The following SLC4A10 variants were observed in gnomAD, a reference collection of about 807,000 sequenced individuals.
The protein encoded by SLC4A10 is sodium-driven chloride bicarbonate exchanger.
In SLC4A10, 42 loss-of-function variants were observed where a neutral mutation model predicts 137.7. The observed-to-expected ratio is 0.30, with a 90% CI of 0.24 to 0.39. The LOEUF is 0.39. SLC4A10 is among the 10% of genes least tolerant of loss of function. SLC4A10 has a pLI of 1.00. For synonymous variants in SLC4A10, 474 were observed against 464.1 expected (o/e 1.02, Z -0.27); for missense variants, 925 against 1,355.0 (o/e 0.68, Z 4.98).
intron 2 of SLC4A10, among the ~76,000 whole-genome samples, chr2:161,785,009 AAG>A (rs1435330772): frequency 1.3e-5 from 2 of 151,592 alleles, no homozygotes; most frequent in Non-Finnish European, 1.5e-5. Context: ...ACTTAGAAAA[AAG>A]AGAGGATTCA....
intron 2 of SLC4A10, among the ~76,000 whole-genome samples, chr2:161,781,304 T>C (rs1267204482): frequency 6.6e-6 from 1 of 152,060 alleles, no homozygotes; most frequent in Non-Finnish European, 1.5e-5. Context: ...AGTGGTGTGC[T>C]TTACTTGGTG....
intron 1 of SLC4A10, among the ~76,000 whole-genome samples, chr2:161,642,413 T>C (rs956028709): frequency 9.2e-5 from 14 of 151,934 alleles, no homozygotes; most frequent in African/African-American, 3.4e-4. Context: ...TCTCAGATGG[T>C]TCCATAAAAA....
At chr2:161,709,691 T>G (rs1285438994) in intron 1 of SLC4A10, 7 of 151,616 alleles carry the variant, frequency 4.6e-5, no homozygotes, top group Non-Finnish European at 1.0e-4. Context: ...GTACTGAAAC[T>G]CTGCCATTTA....
chr2:161,694,777 G>A (rs2042326996), intron 1 of SLC4A10, among the ~76,000 whole-genome samples: 1 of 151,976 alleles, frequency 6.6e-6, no homozygotes, highest in African/African-American at 2.4e-5. Flanking sequence ...AGAAAATAAA[G>A]TTGCACAATT....
intron 15 of SLC4A10, among the ~76,000 whole-genome samples, chr2:161,907,550 A>G (rs548376152): frequency 3.3e-5 from 5 of 152,354 alleles, no homozygotes; most frequent in African/African-American, 1.2e-4. Context: ...AACAGACAGC[A>G]TAAGGAAATG....
At chr2:161,867,050 G>C (rs1454232961) in intron 6 of SLC4A10, among the ~76,000 whole-genome samples, 1 of 151,872 alleles carries the variant, frequency 6.6e-6, no homozygotes, top group African/African-American at 2.4e-5. Flanking sequence ...TTACAGTGCA[G>C]AAAGTCTCTA....
intron 21 of SLC4A10, 58 bp from the exon 22 acceptor site, chr2:161,964,077 G>C: frequency 6.9e-7 from 1 of 1,452,246 alleles, no homozygotes; most frequent in Admixed American, 2.4e-5. Flanking sequence ...ACATCAACTT[G>C]TCCTACTTTT....
intron 15 of SLC4A10, among the ~76,000 whole-genome samples, chr2:161,930,481 CTT>C (rs1387980925): frequency 1.3e-5 from 2 of 151,348 alleles, no homozygotes; most frequent in African/African-American, 4.8e-5. Context: ...AATGGTGTCT[CTT>C]TTAATTCTCA....
At chr2:161,878,983 G>T (rs867785413) in intron 8 of SLC4A10, 148 bp from the exon 9 acceptor site, 3 of 611,288 alleles carry the variant, frequency 4.9e-6, no homozygotes, top group African/African-American at 3.8e-5. Context: ...GGTTATTATA[G>T]AAAAAGGGCA....
chr2:161,834,934 C>A (rs1262156486), intron 3 of SLC4A10, among the ~76,000 whole-genome samples: 1 of 152,134 alleles, frequency 6.6e-6, no homozygotes, highest in Non-Finnish European at 1.5e-5. Context: ...GGAGACATTG[C>A]CAATCTGTTT....
At chr2:161,864,399 T>C (rs2060615408) in intron 6 of SLC4A10, among the ~76,000 whole-genome samples, 1 of 152,170 alleles carries the variant, frequency 6.6e-6, no homozygotes, top group Non-Finnish European at 1.5e-5. Context: ...TTTCTTCAGA[T>C]TTGCTTCATA....
chr2:161,869,090 G>A (rs1405837437), intron 6 of SLC4A10, among the ~76,000 whole-genome samples: 3 of 151,630 alleles, frequency 2.0e-5, no homozygotes, highest in Admixed American at 1.3e-4. Context: ...ACATATATGA[G>A]TGCTAAATCC....
At chr2:161,655,238 T>C (rs1424373221) in intron 1 of SLC4A10, among the ~76,000 whole-genome samples, 2 of 152,206 alleles carry the variant, frequency 1.3e-5, no homozygotes, top group Non-Finnish European at 2.9e-5. Context: ...CAATACTGAA[T>C]TTGTTTATTC....
intron 3 of SLC4A10, among the ~76,000 whole-genome samples, chr2:161,816,562 G>C (rs1191967416): frequency 2.6e-5 from 4 of 151,868 alleles, no homozygotes; most frequent in Admixed American, 6.6e-5. Flanking sequence ...ATGTGCCATG[G>C]TGGTGTGCTG....
intron 1 of SLC4A10, among the ~76,000 whole-genome samples, chr2:161,732,393 G>A (rs896364442): frequency 6.6e-6 from 1 of 152,192 alleles, no homozygotes; most frequent in East Asian, 1.9e-4. Context: ...GATTTTTGGA[G>A]TTGTATGCAA....
At chr2:161,663,247 A>G (rs993079439) in intron 1 of SLC4A10, among the ~76,000 whole-genome samples, 1 of 152,212 alleles carries the variant, frequency 6.6e-6, no homozygotes, top group Non-Finnish European at 1.5e-5. Flanking sequence ...TAACAAATCA[A>G]TTTAAGGGAA....
At chr2:161,805,261 G>A (rs900206959) in intron 3 of SLC4A10, among the ~76,000 whole-genome samples, 2 of 152,098 alleles carry the variant, frequency 1.3e-5, no homozygotes, top group East Asian at 1.9e-4. Context: ...CTCCCACTGG[G>A]TCCCTCCCAC....
At chr2:161,942,761 T>C in intron 15 of SLC4A10, 31 bp from the exon 16 acceptor site, 2 of 1,537,280 alleles carry the variant, frequency 1.3e-6, no homozygotes, top group Non-Finnish European at 1.8e-6. Flanking sequence ...AAGCTACTTA[T>C]TTCACAAAAG....
rs2048095683 is a variant in SLC4A10 at position 161,743,298 on chromosome 2, T to A, written c.49-27675T>A. Among the ~76,000 whole-genome samples the A allele has an allele frequency of 2.0e-5, 3 of 152,210 alleles. No homozygotes were observed. In the South Asian group the frequency reaches 6.2e-4, roughly 32 times the overall value. ...TCCATGTTGATTTGATTTTTGTATA[T>A]GACAAGAGATAGGGGTCTAGTTCTA... On this transcript the variant is annotated intron_variant, in intron 1 of 26. Coordinates refer to ENST00000446997, the MANE Select transcript of SLC4A10 (RefSeq NM_001178015.2).
Sources: gnomAD v4.1 joint callset for allele counts (sites outside exome capture counted in the v4.1 genomes callset) on GRCh38, gnomAD v4.1.1 for gene constraint, MANE v1.5 for transcripts, NCBI Gene and HGNC (gene_info 2026-07-23, HGNC 2026-07-21) for gene names.